Variants in DLG2 observed in about 807,000 individuals in gnomAD.
DLG2 encodes discs large MAGUK scaffold protein 2.
Under a neutral mutation model 132.5 loss-of-function variants are expected in DLG2, and 45 were observed. That is an observed-to-expected ratio of 0.34 (90% CI 0.27 to 0.44). DLG2 has a LOEUF of 0.44. Among genes scored for constraint, DLG2 ranks in the 20% least tolerant of loss-of-function variants. The pLI is 1.00. For missense variants in DLG2, 1,045 were observed against 1,196.9 expected, an observed-to-expected ratio of 0.87 and a Z score of 1.87; for synonymous variants, 424 against 419.6, an observed-to-expected ratio of 1.01 and a Z score of -0.13.
At chr11:85,204,196 C>G (rs2081684259) in intron 4 of DLG2, among the ~76,000 whole-genome samples, 1 of 151,994 alleles carries the variant, frequency 6.6e-6, no homozygotes, top group Non-Finnish European at 1.5e-5. Context: ...AGCAATTAGA[C>G]AAGGAAAAGA....
chr11:85,220,912 T>C (rs1322380854), intron 4 of DLG2, among the ~76,000 whole-genome samples: 1 of 152,176 alleles, frequency 6.6e-6, no homozygotes, highest in African/African-American at 2.4e-5. Flanking sequence ...AACTATTTTA[T>C]TTAAACAAAA....
intron 14 of DLG2, among the ~76,000 whole-genome samples, chr11:83,959,361 G>A (rs2087854863): frequency 6.6e-6 from 1 of 152,076 alleles, no homozygotes; most frequent in Admixed American, 6.6e-5. Context: ...ATGAATACAT[G>A]GAACAAAAGT....
chr11:84,448,154 C>T (rs2154480176), intron 7 of DLG2, among the ~76,000 whole-genome samples: 1 of 152,214 alleles, frequency 6.6e-6, no homozygotes, highest in East Asian at 1.9e-4. Context: ...CTCACCTAAC[C>T]TGACTGCTTT....
chr11:85,455,420 T>G (rs1019792163), intron 3 of DLG2, among the ~76,000 whole-genome samples: 3 of 152,212 alleles, frequency 2.0e-5, no homozygotes, highest in African/African-American at 7.2e-5. Flanking sequence ...AAGAAGCTTT[T>G]AGGCAGAGAC....
intron 6 of DLG2, among the ~76,000 whole-genome samples, chr11:84,981,911 A>G (rs1368369400): frequency 1.3e-5 from 2 of 152,158 alleles, no homozygotes; most frequent in Non-Finnish European, 2.9e-5. Context: ...TCCTGTCACA[A>G]AATCCAATGA....
intron 3 of DLG2, among the ~76,000 whole-genome samples, chr11:85,511,921 C>G (rs575785569): frequency 1.3e-5 from 2 of 151,710 alleles, no homozygotes; most frequent in Admixed American, 6.6e-5. Flanking sequence ...TTTGCAGAGA[C>G]GGGGTCTTAG....
chr11:85,306,223 T>C (rs1296251951), intron 3 of DLG2, among the ~76,000 whole-genome samples: 1 of 152,186 alleles, frequency 6.6e-6, no homozygotes, highest in Non-Finnish European at 1.5e-5. Flanking sequence ...GCAAGTCTCT[T>C]CTATGCCACC....
intron 3 of DLG2, among the ~76,000 whole-genome samples, chr11:85,517,153 A>G (rs2094185348): frequency 6.6e-6 from 1 of 152,152 alleles, no homozygotes; most frequent in Non-Finnish European, 1.5e-5. Flanking sequence ...CTCATCATAT[A>G]AAGATAATTA....
At chr11:84,461,874 G>T (rs902691898) in intron 7 of DLG2, among the ~76,000 whole-genome samples, 1 of 150,680 alleles carries the variant, frequency 6.6e-6, no homozygotes, top group African/African-American at 2.4e-5. Flanking sequence ...CTAACACCTG[G>T]CACAACACTT....
chr11:84,654,197 A>T (rs535742919), intron 6 of DLG2, among the ~76,000 whole-genome samples: 30 of 152,250 alleles, frequency 2.0e-4, no homozygotes, highest in African/African-American at 6.7e-4. Flanking sequence ...TAACCCCCAT[A>T]TCCTCCTTGA....
At chr11:85,120,614 G>T (rs1050059142) in intron 5 of DLG2, among the ~76,000 whole-genome samples, 1 of 151,716 alleles carries the variant, frequency 6.6e-6, no homozygotes, top group African/African-American at 2.4e-5. Flanking sequence ...TTATTTTAGG[G>T]TATCTTAAAG....
intron 7 of DLG2, among the ~76,000 whole-genome samples, chr11:84,531,289 A>G (rs750277698): frequency 2.0e-5 from 3 of 152,298 alleles, no homozygotes; most frequent in Non-Finnish European, 4.4e-5. Context: ...ACATATGGAT[A>G]CAAACAAGGG....
chr11:84,714,589 TTCTCTTTCTTTC>T (rs1239475453), intron 6 of DLG2, among the ~76,000 whole-genome samples: 13 of 125,998 alleles, frequency 1.0e-4, no homozygotes, highest in Admixed American at 7.7e-4. Context: ...CTCTTTCTCT[TTCTCTTTCTTTC>T]TCTTTCTCTT....
At chr11:85,149,710 C>A (rs1469427543) in intron 5 of DLG2, among the ~76,000 whole-genome samples, 1 of 151,792 alleles carries the variant, frequency 6.6e-6, no homozygotes, top group Non-Finnish European at 1.5e-5. Context: ...GCTTTAGAGA[C>A]AACAAAAAAA....
chr11:83,796,611 A>G (rs923400843), intron 17 of DLG2, among the ~76,000 whole-genome samples: 2 of 152,138 alleles, frequency 1.3e-5, no homozygotes, highest in African/African-American at 4.8e-5. Flanking sequence ...TCTTGATATA[A>G]TGTAATATCT....
intron 18 of DLG2, among the ~76,000 whole-genome samples, chr11:83,751,688 T>C (rs1486213076): frequency 9.9e-5 from 15 of 152,192 alleles, no homozygotes. Context: ...TTTTTTGGCC[T>C]CAGCAACTGG....
chr11:85,078,561 T>A lies in DLG2; in HGVS notation c.357+33100A>T, dbSNP rs181676551. Among the ~76,000 whole-genome samples the A allele has an allele frequency of 2.4e-4, 37 of 152,130 alleles. 1 individual carries two copies. The highest frequency in any genetic ancestry group is 5.9e-5 in the Non-Finnish European group (4 of 67,960). On this transcript the variant is annotated intron_variant, in intron 6 of 27. Transcript: ENST00000376104. ...ACTTCAGCATTTCATTTTAGTGAGA[T>A]GGAAACTCAGGTGAGGATTCACAGA...
At chr11:85,091,350 AC>A (rs1219361327) in intron 6 of DLG2, among the ~76,000 whole-genome samples, 2 of 152,214 alleles carry the variant, frequency 1.3e-5, no homozygotes, top group African/African-American at 4.8e-5. Context: ...GTGAGTCACG[AC>A]CTTTTTGCTA....
intron 11 of DLG2, among the ~76,000 whole-genome samples, chr11:84,026,356 C>G (rs1274959737): frequency 6.6e-6 from 1 of 151,976 alleles, no homozygotes; most frequent in East Asian, 1.9e-4. Context: ...CCATACTAGA[C>G]TCCTTTAGGG....
Sources: allele counts gnomAD v4.1 joint callset (sites outside exome capture counted in the v4.1 genomes callset), GRCh38; gene constraint gnomAD v4.1.1; transcripts MANE v1.5; gene names NCBI Gene and HGNC (gene_info 2026-07-23, HGNC 2026-07-21).